Variants in ATRNL1 observed in about 807,000 individuals in gnomAD.
ATRNL1 encodes the protein attractin-like protein 1.
A neutral mutation model predicts 182.7 loss-of-function variants in ATRNL1; 95 were observed. That is an observed-to-expected ratio of 0.52 (90% confidence interval 0.44 to 0.62). ATRNL1 has a LOEUF of 0.62. Ranked by LOEUF, ATRNL1 falls within the 20% of genes least tolerant of loss-of-function variation. The pLI is 0.00. For missense variants in ATRNL1, 1,471 were observed against 1,679.5 expected, an observed-to-expected ratio of 0.88 and a Z score of 2.17; for synonymous variants, 576 against 568.3, an observed-to-expected ratio of 1.01 and a Z score of -0.19.
intron 26 of ATRNL1, among the ~76,000 whole-genome samples, chr10:115,690,702 G>A (rs1405939411): frequency 2.0e-5 from 3 of 152,164 alleles, no homozygotes; most frequent in Non-Finnish European, 1.5e-5. Flanking sequence ...TGATTCCCAG[G>A]GCAAGATGCA....
chr10:115,626,476 G>A (rs782526255), intron 26 of ATRNL1, among the ~76,000 whole-genome samples: 1 of 152,104 alleles, frequency 6.6e-6, no homozygotes, highest in Admixed American at 6.6e-5. Context: ...GTTTCAATAT[G>A]TTCTGGTTCA....
intron 26 of ATRNL1, among the ~76,000 whole-genome samples, chr10:115,650,925 A>G (rs923807622): frequency 6.6e-6 from 1 of 152,120 alleles, no homozygotes; most frequent in Non-Finnish European, 1.5e-5. Flanking sequence ...ACCGATCACT[A>G]AAGTAAGTCT....
At chr10:115,906,264 G>C (rs1315455570) in intron 28 of ATRNL1, among the ~76,000 whole-genome samples, 1 of 152,152 alleles carries the variant, frequency 6.6e-6, no homozygotes, top group Middle Eastern at 3.2e-3. Context: ...TGCTAATAAA[G>C]TTTGAAAACT....
chr10:115,807,705 GAT>G (rs1253039197), intron 27 of ATRNL1, among the ~76,000 whole-genome samples: 1 of 152,120 alleles, frequency 6.6e-6, no homozygotes, highest in Admixed American at 6.6e-5. Flanking sequence ...CTGAAATAAA[GAT>G]ATAATACAAG....
At chr10:115,517,836 C>T (rs1850717317) in intron 24 of ATRNL1, among the ~76,000 whole-genome samples, 1 of 151,730 alleles carries the variant, frequency 6.6e-6, no homozygotes. Flanking sequence ...AGCTTCCTTT[C>T]TATGATATTC....
intron 19 of ATRNL1, among the ~76,000 whole-genome samples, chr10:115,387,022 G>A (rs1241646819): frequency 1.3e-5 from 2 of 151,702 alleles, no homozygotes; most frequent in Non-Finnish European, 2.9e-5. Context: ...CAACCCAAAT[G>A]TCCAACAATG....
At chr10:115,597,815 G>A (rs782620022) in intron 26 of ATRNL1, 18 of 321,426 alleles carry the variant, frequency 5.6e-5, no homozygotes, top group Non-Finnish European at 1.0e-4. Flanking sequence ...GATTACAGGC[G>A]TGAGCCACCG....
chr10:115,322,130 A>G (rs1554931704), intron 18 of ATRNL1, among the ~76,000 whole-genome samples: 1 of 152,088 alleles, frequency 6.6e-6, no homozygotes, highest in African/African-American at 2.4e-5. Flanking sequence ...TTATATTACT[A>G]CCAGTGAGAT....
intron 20 of ATRNL1, among the ~76,000 whole-genome samples, chr10:115,409,199 G>A (rs1592612325): frequency 6.6e-6 from 1 of 151,848 alleles, no homozygotes; most frequent in East Asian, 1.9e-4. Context: ...GTGATTCGTG[G>A]GCATGAGATG....
chr10:115,282,586 G>C (rs900430304), intron 14 of ATRNL1, among the ~76,000 whole-genome samples: 2 of 152,038 alleles, frequency 1.3e-5, no homozygotes, highest in Admixed American at 1.3e-4. Context: ...TGGATGCTAA[G>C]TACTCTTCCT....
At chr10:115,267,044 TTTCTC>T (rs1186284386) in intron 12 of ATRNL1, 39 bp downstream of exon 12, 2 of 1,407,872 alleles carry the variant, frequency 1.4e-6, no homozygotes, top group Non-Finnish European at 2.0e-6. Flanking sequence ...GGCAGCAAAA[TTTCTC>T]TTCTACAGAA....
At chr10:115,725,432 C>G (rs1947565279) in intron 26 of ATRNL1, among the ~76,000 whole-genome samples, 1 of 151,952 alleles carries the variant, frequency 6.6e-6, no homozygotes, top group African/African-American at 2.4e-5. Context: ...ATTTTGTAGA[C>G]CTTATACTTT....
chr10:115,852,910 T>A (rs1394001116), intron 28 of ATRNL1, among the ~76,000 whole-genome samples: 2 of 152,184 alleles, frequency 1.3e-5, no homozygotes, highest in African/African-American at 4.8e-5. Context: ...AAGAAGCCCG[T>A]GAACTCATAG....
intron 27 of ATRNL1, among the ~76,000 whole-genome samples, chr10:115,779,564 C>A (rs1453714903): frequency 6.6e-6 from 1 of 152,176 alleles, no homozygotes. Context: ...CCTTTTGGCT[C>A]CTGCCAAAAG....
chr10:115,377,720 C>T (rs1161139726), intron 19 of ATRNL1, among the ~76,000 whole-genome samples: 1 of 152,110 alleles, frequency 6.6e-6, no homozygotes, highest in Non-Finnish European at 1.5e-5. Flanking sequence ...AGTCCTTCTC[C>T]TGTTGGGTCC....
chr10:115,557,662 G>A (rs1853391597), intron 26 of ATRNL1, among the ~76,000 whole-genome samples: 1 of 152,090 alleles, frequency 6.6e-6, no homozygotes, highest in Non-Finnish European at 1.5e-5. Flanking sequence ...GAGAAAGAAT[G>A]GAACAAGATG....
chr10:115,573,346 C>A (rs940074354), intron 26 of ATRNL1, among the ~76,000 whole-genome samples: 1 of 151,978 alleles, frequency 6.6e-6, no homozygotes, highest in Non-Finnish European at 1.5e-5. Context: ...CTCTCTTTCT[C>A]CCCTACATTG....
chr10:115,266,301 A>G (rs1851605690), intron 11 of ATRNL1, among the ~76,000 whole-genome samples: 1 of 151,744 alleles, frequency 6.6e-6, no homozygotes, highest in African/African-American at 2.4e-5. Flanking sequence ...AAAGAATGAA[A>G]CACCATAAGA....
intron 20 of ATRNL1, among the ~76,000 whole-genome samples, chr10:115,408,024 T>G (rs1844930338): frequency 7.6e-6 from 1 of 130,864 alleles, no homozygotes; most frequent in Non-Finnish European, 1.6e-5. Context: ...TGAGACGGAG[T>G]CTCGCTCTGT....
Sources: gnomAD v4.1 joint callset for allele counts (sites outside exome capture counted in the v4.1 genomes callset) on GRCh38, gnomAD v4.1.1 for gene constraint, MANE v1.5 for transcripts, NCBI Gene and HGNC (gene_info 2026-07-23, HGNC 2026-07-21) for gene names.